The following ZSWIM4 variants were observed in gnomAD, a reference collection of about 807,000 sequenced individuals.
ZSWIM4 encodes the protein zinc finger SWIM-type containing 4.
ZSWIM4 carries 62 observed loss-of-function variants against 102.5 expected under a neutral mutation model. That is an observed-to-expected ratio of 0.60 (90% CI 0.49 to 0.75). The LOEUF (loss-of-function observed/expected upper bound fraction) is 0.75, where lower values mean the gene tolerates loss of function less well. Among genes scored for constraint, ZSWIM4 ranks in the 30% least tolerant of loss-of-function variants. The probability of loss-of-function intolerance (pLI) is 0.00; values close to 1 mark genes in which losing one functional copy is unlikely to be tolerated. For synonymous variants in ZSWIM4, 652 were observed against 674.5 expected (o/e 0.97, Z 0.52); for missense variants, 1,280 against 1,529.6 (o/e 0.84, Z 2.72).
chr19:13,804,209 G>T (rs945107748), intron 2 of ZSWIM4, among the ~76,000 whole-genome samples: 22 of 151,664 alleles, frequency 1.5e-4, no homozygotes, highest in Non-Finnish European at 2.9e-4. Context: ...CGTGGCCCAC[G>T]CCTGTAATCC....
chr19:13,820,900 C>CA lies in ZSWIM4; in HGVS notation c.2060+1408_2060+1409insA, dbSNP rs1975444651. ...CCACTTGGAAGCTGATAGACATTTA[C>CA]GCAATTTCCAAAAAAAAAAAAAAAA... On this transcript the variant is annotated intron_variant, in intron 10 of 13. Coordinates refer to ENST00000590508, the MANE Select transcript of ZSWIM4 (RefSeq NM_001367834.3). Among the ~76,000 whole-genome samples the CA allele has an allele frequency of 2.7e-5, 4 of 148,440 alleles. No homozygotes were observed. The South Asian group carries it at 8.5e-4, about 31-fold the overall frequency.
intron 5 of ZSWIM4, among the ~76,000 whole-genome samples, chr19:13,810,319 C>T (rs1975043602): frequency 1.4e-5 from 2 of 144,948 alleles, no homozygotes; most frequent in African/African-American, 5.1e-5. Context: ...TTGACACGGA[C>T]TCTCACCCTG....
chr19:13,828,799 C>A, intron 13 of ZSWIM4, 73 bp downstream of exon 13: 1 of 1,461,226 alleles, frequency 6.8e-7, no homozygotes, highest in Non-Finnish European at 9.6e-7. Context: ...GAGAACCAGG[C>A]AGACAAGAAA....
Position 13,817,840 on chromosome 19 carries a change from G to T in ZSWIM4, c.1788G>T (p.Arg596=). 6.4e-7 allele frequency: 1 copy of T among 1,565,638 alleles called. No individual in the cohort carries two copies. The highest frequency in any genetic ancestry group is 8.7e-7 in the Non-Finnish European group (1 of 1,155,246). ...CACTGCTGGGGCTGGGGCAGCAGCGGGCCCTGCCGGAGGGGCTGTACGCCC... is the reference window on the plus strand; with the variant it reads ...CACTGCTGGGGCTGGGGCAGCAGCGTGCCCTGCCGGAGGGGCTGTACGCCC... The part of the protein sequence containing the change: ...EVALLGLGQQ[R]ALPEGLYAQD... Residue 596 remains arginine, a synonymous_variant, in exon 9 of 14, where the codon CGG becomes CGT. Transcript: ENST00000590508.
At chr19:13,817,615 C>T (rs896230207) in intron 8 of ZSWIM4, 107 bp from the exon 9 acceptor site, 2 of 1,376,902 alleles carry the variant, frequency 1.5e-6, no homozygotes, top group Non-Finnish European at 2.0e-6. Context: ...TTCTGGGCTC[C>T]CTCTAAAGCC....
chr19:13,824,015 G>T (rs763224102), intron 11 of ZSWIM4, among the ~76,000 whole-genome samples: 7 of 151,880 alleles, frequency 4.6e-5, no homozygotes, highest in Admixed American at 2.6e-4. Context: ...TTGAGAGTTG[G>T]GGGGAGTGAA....
chr19:13,800,065 ATTT>A (rs71170569), intron 2 of ZSWIM4, 144 bp downstream of exon 2: 2,403 of 380,614 alleles, frequency 6.3e-3, no homozygotes, highest in East Asian at 8.7e-3. Context: ...ATTGTACAAG[ATTT>A]TTTTTTTTTT....
In ZSWIM4 at chr19:13,817,995, G is replaced by T. The variant is rs1324569733; in HGVS notation, c.1924+19G>T. ...CTGGAAGGTGAGGCCGCGCCCCTAG[G>T]CCTGGCTGTTGCTGAAGGGTAGGGT... On this transcript the variant is annotated intron_variant, in intron 9 of 13. Transcript: ENST00000590508. The T allele has an allele frequency of 4.1e-6, 6 of 1,476,254 alleles. No homozygotes were observed. Among genetic ancestry groups the T allele is most frequent in the South Asian group, 1.4e-5 (1 of 73,612 alleles). The allele number at this position is 1,476,254 out of a possible 1,614,324, so 91.4% of individuals were successfully genotyped here.
At chr19:13,811,873 G>C (rs993361560) in intron 5 of ZSWIM4, among the ~76,000 whole-genome samples, 5 of 152,008 alleles carry the variant, frequency 3.3e-5, no homozygotes, top group African/African-American at 4.8e-5. Flanking sequence ...TCAGGAGATC[G>C]AGACCAGCTT....
chr19:13,828,618 C>T (rs1001002437), intron 12 of ZSWIM4, 27 bp from the exon 13 acceptor site: 7 of 1,612,568 alleles, frequency 4.3e-6, no homozygotes, highest in Middle Eastern at 1.7e-4. Flanking sequence ...TCAGGCTAAC[C>T]CCCTTCTCCC....
chr19:13,797,857 T>A (rs1203425558), intron 1 of ZSWIM4, among the ~76,000 whole-genome samples: 2 of 152,192 alleles, frequency 1.3e-5, no homozygotes. Context: ...TTCACCATGT[T>A]GGCCAGGCTG....
At chr19:13,826,240 A>T (rs1975607089) in intron 12 of ZSWIM4, among the ~76,000 whole-genome samples, 1 of 151,694 alleles carries the variant, frequency 6.6e-6, no homozygotes, top group Non-Finnish European at 1.5e-5. Flanking sequence ...CAGCAGATGG[A>T]TCGCAAGCGG....
rs914322810 is a variant in ZSWIM4 at position 13,812,923 on chromosome 19, A to G, written c.1013-74A>G. 4 of 1,482,592 alleles carry G rather than the reference A, an allele frequency of 2.7e-6. No homozygotes were observed. In the African/African-American group the frequency reaches 5.6e-5, roughly 21 times the overall value. The allele number at this position is 1,482,592 out of a possible 1,614,324, so 91.8% of individuals were successfully genotyped here. Reference sequence around the variant, plus strand: ...GGGTTAGCAGATCATCAGGTGGCACACAGTGGGCACTGCGGAAGTGTGTGT... The same window carrying G: ...GGGTTAGCAGATCATCAGGTGGCACGCAGTGGGCACTGCGGAAGTGTGTGT... On this transcript the variant is annotated intron_variant, in intron 5 of 13. Transcript: ENST00000590508.
chr19:13,807,827 G>A (rs143911929), intron 3 of ZSWIM4, among the ~76,000 whole-genome samples: 9 of 152,150 alleles, frequency 5.9e-5, no homozygotes, highest in African/African-American at 1.9e-4. Context: ...TGTGTTTCAG[G>A]TAAGATAGAT....
intron 8 of ZSWIM4, 127 bp downstream of exon 8, chr19:13,817,480 A>C (rs1599604580): frequency 7.6e-7 from 1 of 1,317,524 alleles, no homozygotes; most frequent in Non-Finnish European, 1.0e-6. Context: ...ACCCTTGGCT[A>C]CCTCCTCTGG....
chr19:13,829,582 C>T (rs1975700717), intron 13 of ZSWIM4, among the ~76,000 whole-genome samples: 1 of 152,090 alleles, frequency 6.6e-6, no homozygotes, highest in Non-Finnish European at 1.5e-5. Context: ...CAGAGCAAGA[C>T]TCCATCTCAA....
chr19:13,817,187 GGCATTGA>G (rs1410324770), intron 7 of ZSWIM4, 22 bp from the exon 8 acceptor site: 1 of 1,596,662 alleles, frequency 6.3e-7, no homozygotes, highest in Non-Finnish European at 8.6e-7. Flanking sequence ...CAGGTGTGTG[GGCATTGA>G]GCCCCCTCTT....
At chr19:13,814,455 C>T in intron 6 of ZSWIM4, 60 bp from the exon 7 acceptor site, 1 of 986,012 alleles carries the variant, frequency 1.0e-6, no homozygotes, top group Non-Finnish European at 1.3e-6. Flanking sequence ...AAAAGCTGGA[C>T]ACGGCTCAAC....
At chr19:13,829,157 C>T (rs959189341) in intron 13 of ZSWIM4, among the ~76,000 whole-genome samples, 10 of 150,766 alleles carry the variant, frequency 6.6e-5, no homozygotes, top group Non-Finnish European at 1.0e-4. Context: ...TGGTGGCACA[C>T]ACCTGTAGTC....
Sources: allele counts gnomAD v4.1 joint callset (sites outside exome capture counted in the v4.1 genomes callset), GRCh38; gene constraint gnomAD v4.1.1; transcripts MANE v1.5; gene names NCBI Gene and HGNC (gene_info 2026-07-23, HGNC 2026-07-21).